The following TLL1 variants were observed in gnomAD, a reference collection of about 807,000 sequenced individuals.
The protein encoded by TLL1 is tolloid-like protein 1.
A neutral mutation model predicts 128.2 loss-of-function variants in TLL1; 49 were observed. That is an observed-to-expected ratio of 0.38 (90% CI 0.30 to 0.48). TLL1 has a LOEUF of 0.48. Ranked by LOEUF, TLL1 falls within the 20% of genes least tolerant of loss-of-function variation. TLL1 has a pLI of 0.96. For synonymous variants in TLL1, 454 were observed against 418.8 expected, an observed-to-expected ratio of 1.08 and a Z score of -1.03; for missense variants, 1,123 against 1,242.0, an observed-to-expected ratio of 0.90 and a Z score of 1.44.
Position 166,065,852 on chromosome 4 carries a change from A to T in TLL1, c.2177A>T (p.His726Leu). The T allele has an allele frequency of 6.2e-7, 1 of 1,612,302 alleles. No individual in the cohort carries two copies. The highest frequency in any genetic ancestry group is 8.5e-7 in the Non-Finnish European group (1 of 1,178,924). The change falls in exon 16 of 21, where the codon CAT (histidine) becomes CTT (leucine). Residue 726 changes from histidine (H) to leucine (L), a missense_variant. By Grantham distance (99) the His-to-Leu change is moderately conservative. Coordinates refer to ENST00000061240, the MANE Select transcript of TLL1 (RefSeq NM_012464.5). ...GTATCCAAGAAGGGCTTCAAAGCACATTTTTTCTCAGGTATAAGCATTCAC... is the reference window on the plus strand; with the variant it reads ...GTATCCAAGAAGGGCTTCAAAGCACTTTTTTTCTCAGGTATAAGCATTCAC... ...NTVSKKGFKA[H>L]FFSDKDECSK...
At chr4:166,024,845 T>TTAC (rs1322171142) in intron 8 of TLL1, among the ~76,000 whole-genome samples, 1 of 152,232 alleles carries the variant, frequency 6.6e-6, no homozygotes, top group Admixed American at 6.5e-5. Context: ...CATTTTGATA[T>TTAC]TACCTTTGTT....
intron 17 of TLL1, among the ~76,000 whole-genome samples, chr4:166,075,216 A>G (rs1740969803): frequency 6.6e-6 from 1 of 152,222 alleles, no homozygotes; most frequent in Non-Finnish European, 1.5e-5. Flanking sequence ...GTAGCTTTGT[A>G]TAGCAGACAT....
intron 2 of TLL1, among the ~76,000 whole-genome samples, chr4:165,991,407 A>G (rs1736630606): frequency 6.6e-6 from 1 of 152,000 alleles, no homozygotes; most frequent in South Asian, 2.1e-4. Flanking sequence ...GTCATTTCAA[A>G]CATCATTGAT....
At chr4:166,079,315 A>T (rs760821701) in intron 18 of TLL1, among the ~76,000 whole-genome samples, 3 of 151,910 alleles carry the variant, frequency 2.0e-5, no homozygotes, top group Non-Finnish European at 2.9e-5. Flanking sequence ...CTCAATCCAA[A>T]TTTTTTTTGG....
rs574472785 is a variant in TLL1, at chr4:166,062,721, G to C, written c.2007+2533G>C. On this transcript the variant is annotated intron_variant, in intron 15 of 20. Coordinates refer to ENST00000061240, the MANE Select transcript of TLL1 (RefSeq NM_012464.5). The stretch of plus-strand genomic sequence containing the variant: ...TGAATACCCTTTATTTCTTTCTCCT[G>C]CCTGATTGCCCTGGCCAGAACTTCC... Among the ~76,000 whole-genome samples the C allele has an allele frequency of 7.8e-4, 119 of 152,126 alleles. 1 individual carries two copies. Among genetic ancestry groups the C allele is most frequent in the African/African-American group, 2.8e-3 (115 of 41,498 alleles).
chr4:166,022,355 G>A (rs879293105), intron 8 of TLL1, among the ~76,000 whole-genome samples: 7 of 151,914 alleles, frequency 4.6e-5, no homozygotes, highest in African/African-American at 9.7e-5. Flanking sequence ...TAGTAGAGAC[G>A]GGGTTTCACC....
intron 14 of TLL1, among the ~76,000 whole-genome samples, chr4:166,058,747 G>C (rs991680365): frequency 1.3e-5 from 2 of 152,002 alleles, no homozygotes; most frequent in Non-Finnish European, 2.9e-5. Context: ...TTATATTTAT[G>C]TATTTATTGG....
At position 166,085,240 on chromosome 4, in the gene TLL1, C is replaced by T. The variant is rs1380695641; in HGVS notation, c.2443-5888C>T. Among the ~76,000 whole-genome samples, 5 of 144,928 alleles carry T rather than the reference C, an allele frequency of 3.4e-5. No homozygotes were observed. The East Asian group carries it at 1.0e-3, about 29-fold the overall frequency. The stretch of plus-strand genomic sequence containing the variant: ...TCTTCTGCAAACAGGGATAATTTAA[C>T]TTTTTTTTTTTTTCAATTTGGATGC... On this transcript the variant is annotated intron_variant, in intron 18 of 20. Coordinates refer to ENST00000061240, the MANE Select transcript of TLL1 (RefSeq NM_012464.5).
intron 1 of TLL1, among the ~76,000 whole-genome samples, chr4:165,944,422 A>T (rs1440143018): frequency 6.6e-6 from 1 of 152,138 alleles, no homozygotes; most frequent in Non-Finnish European, 1.5e-5. Context: ...AAGAAGCGTG[A>T]TGTGTTCCTG....
intron 12 of TLL1, 21 bp downstream of exon 12, chr4:166,043,440 T>C: frequency 1.2e-6 from 2 of 1,614,050 alleles, no homozygotes; most frequent in Non-Finnish European, 1.7e-6. Context: ...TTAGGCTATC[T>C]TCCTGGCAAA....
At chr4:166,023,280 A>T (rs1410219491) in intron 8 of TLL1, among the ~76,000 whole-genome samples, 2 of 152,130 alleles carry the variant, frequency 1.3e-5, no homozygotes, top group Non-Finnish European at 2.9e-5. Flanking sequence ...CATGCCTGTA[A>T]TCCCAGCTAT....
intron 1 of TLL1, among the ~76,000 whole-genome samples, chr4:165,881,505 C>T (rs751444830): frequency 2.0e-5 from 3 of 152,170 alleles, no homozygotes; most frequent in Non-Finnish European, 4.4e-5. Context: ...GACATCCATC[C>T]GTTGTGATTT....
chr4:166,043,427 C>A lies in TLL1; in HGVS notation c.1524+8C>A, dbSNP rs376064311. ...ACCTTTCAGTCCTTTGAGGTAAAGT[C>A]TTTTAGGCTATCTTCCTGGCAAATA... On this transcript the variant is annotated splice_region_variant and intron_variant, in intron 12 of 20. Transcript: ENST00000061240. 8.9e-5 allele frequency: 144 copies of A among 1,613,884 alleles called. No individual in the cohort carries two copies. The African/African-American group carries it at 1.8e-3, about 20-fold the overall frequency.
At chr4:166,089,626 G>A (rs190220586) in intron 18 of TLL1, among the ~76,000 whole-genome samples, 1 of 152,072 alleles carries the variant, frequency 6.6e-6, no homozygotes, top group African/African-American at 2.4e-5. Flanking sequence ...ATTTCCCTAC[G>A]CTGTCTTCTC....
At chr4:165,908,133 A>G (rs1329547049) in intron 1 of TLL1, among the ~76,000 whole-genome samples, 2 of 152,182 alleles carry the variant, frequency 1.3e-5, no homozygotes, top group African/African-American at 4.8e-5. Flanking sequence ...TTTTACAGCA[A>G]CTTGATAGAA....
intron 6 of TLL1, 106 bp from the exon 7 acceptor site, chr4:166,007,837 A>G (rs573697123): frequency 1.3e-5 from 10 of 765,976 alleles, no homozygotes; most frequent in South Asian, 1.2e-4. Flanking sequence ...TCGATCAGCA[A>G]GATCAGTCAT....
chr4:165,922,869 C>A (rs1733095493), intron 1 of TLL1, among the ~76,000 whole-genome samples: 1 of 152,114 alleles, frequency 6.6e-6, no homozygotes, highest in African/African-American at 2.4e-5. Context: ...TATCTGGTAG[C>A]CAGCACAGGA....
chr4:165,971,507 A>G (rs958518939), intron 1 of TLL1, among the ~76,000 whole-genome samples: 4 of 152,114 alleles, frequency 2.6e-5, no homozygotes, highest in African/African-American at 9.7e-5. Flanking sequence ...ATTTTTTTGC[A>G]AAAAGATCCC....
intron 5 of TLL1, 117 bp from the exon 6 acceptor site, chr4:166,003,274 G>A (rs1485313541): frequency 1.0e-6 from 1 of 1,002,824 alleles, no homozygotes; most frequent in South Asian, 1.3e-5. Context: ...AGGTTGTTCT[G>A]TTCCTGAATG....
Sources: allele counts gnomAD v4.1 joint callset (sites outside exome capture counted in the v4.1 genomes callset), GRCh38; gene constraint gnomAD v4.1.1; transcripts MANE v1.5; gene names NCBI Gene and HGNC (gene_info 2026-07-23, HGNC 2026-07-21).